The following SDK1 variants were observed in gnomAD, a reference collection of about 807,000 sequenced individuals.
The protein encoded by SDK1 is protein sidekick-1.
A neutral mutation model predicts 245.5 loss-of-function variants in SDK1; 157 were observed. The ratio of observed to expected loss-of-function variants is 0.64; its 90% CI spans 0.56 to 0.73. The LOEUF (loss-of-function observed/expected upper bound fraction) is 0.73, where lower values mean the gene tolerates loss of function less well. Ranked by LOEUF, SDK1 falls within the 30% of genes least tolerant of loss-of-function variation. SDK1 has a pLI of 0.00. For missense variants in SDK1, 3,583 were observed against 3,002.3 expected, an observed-to-expected ratio of 1.19 and a Z score of -4.52; for synonymous variants, 1,647 against 1,278.5, an observed-to-expected ratio of 1.29 and a Z score of -6.15.
chr7:3,317,274 A>C (rs927810941), intron 1 of SDK1, among the ~76,000 whole-genome samples: 3 of 151,270 alleles, frequency 2.0e-5, no homozygotes, highest in African/African-American at 7.3e-5. Context: ...ATAAAAGATT[A>C]TAGTAATTTT....
chr7:3,536,914 A>T (rs1236710668), intron 1 of SDK1, among the ~76,000 whole-genome samples: 2 of 152,232 alleles, frequency 1.3e-5, no homozygotes, highest in African/African-American at 2.4e-5. Context: ...TAGTTGAATT[A>T]TAAAACCATA....
At position 3,417,394 on chromosome 7, in the gene SDK1, A is replaced by G. The variant is rs141013910; in HGVS notation, c.298+115510A>G. Among the ~76,000 whole-genome samples, 767 of 152,234 alleles carry G rather than the reference A, an allele frequency of 5.0e-3. 9 individuals carry two copies. Among genetic ancestry groups the G allele is most frequent in the African/African-American group, 0.017 (711 of 41,534 alleles). Reference sequence around the variant, plus strand: ...ACCATCTTAGTTCTCAAGTTTGCCAAACTTTTTTTCAGCCATGTGTCCTTT... The same window carrying G: ...ACCATCTTAGTTCTCAAGTTTGCCAGACTTTTTTTCAGCCATGTGTCCTTT... On this transcript the variant is annotated intron_variant, in intron 1 of 44. Coordinates refer to ENST00000404826, the MANE Select transcript of SDK1 (RefSeq NM_152744.4).
intron 14 of SDK1, among the ~76,000 whole-genome samples, chr7:3,992,160 G>A (rs573347719): frequency 6.6e-6 from 1 of 152,292 alleles, no homozygotes; most frequent in Admixed American, 6.5e-5. Context: ...TGGTTTAGTG[G>A]CCGAGGCAGG....
At chr7:3,403,926 C>G (rs1486133361) in intron 1 of SDK1, among the ~76,000 whole-genome samples, 2 of 133,664 alleles carry the variant, frequency 1.5e-5, no homozygotes, top group South Asian at 2.4e-4. Flanking sequence ...ACAGGCATAC[C>G]TTGGAGATAT....
chr7:4,199,175 C>G lies in SDK1; in HGVS notation c.5099-6704C>G, dbSNP rs1783749970. On this transcript the variant is annotated intron_variant, in intron 35 of 44. Transcript: ENST00000404826. The stretch of plus-strand genomic sequence containing the variant: ...ACAGGTTGAATTTTGTGTGTACAAA[C>G]TGCATATAATGCAGTTAATGAGTTA... Among the ~76,000 whole-genome samples, 11 of 152,294 alleles carry G rather than the reference C, an allele frequency of 7.2e-5. No individual in the cohort carries two copies. The South Asian group carries it at 2.3e-3, about 32-fold the overall frequency.
intron 1 of SDK1, among the ~76,000 whole-genome samples, chr7:3,449,688 A>G (rs892396988): frequency 6.6e-6 from 1 of 152,226 alleles, no homozygotes; most frequent in Non-Finnish European, 1.5e-5. Flanking sequence ...TGAATATTTA[A>G]TAGTAGCATT....
intron 1 of SDK1, among the ~76,000 whole-genome samples, chr7:3,451,224 A>G (rs1780503103): frequency 6.6e-6 from 1 of 151,748 alleles, no homozygotes; most frequent in African/African-American, 2.4e-5. Flanking sequence ...AAAATATAGG[A>G]GAAAGGGGCA....
At chr7:3,957,830 C>G (rs1258328723) in intron 7 of SDK1, among the ~76,000 whole-genome samples, 1 of 152,208 alleles carries the variant, frequency 6.6e-6, no homozygotes, top group African/African-American at 2.4e-5. Context: ...CACATGAAAA[C>G]TTAAGTAGAG....
At chr7:3,804,265 G>T (rs535775768) in intron 4 of SDK1, among the ~76,000 whole-genome samples, 4 of 152,200 alleles carry the variant, frequency 2.6e-5, no homozygotes, top group East Asian at 1.9e-4. Flanking sequence ...TTTGTATTCA[G>T]TTATATGAGG....
intron 1 of SDK1, among the ~76,000 whole-genome samples, chr7:3,583,707 CT>C (rs1000363149): frequency 1.8e-4 from 28 of 152,154 alleles, no homozygotes; most frequent in African/African-American, 6.5e-4. Context: ...CAGGTGCCCC[CT>C]GAGAGGCATG....
chr7:3,970,261 A>G (rs1388477138), intron 11 of SDK1, among the ~76,000 whole-genome samples: 1 of 152,238 alleles, frequency 6.6e-6, no homozygotes, highest in Admixed American at 6.5e-5. Flanking sequence ...AGAAAAAGTA[A>G]ATCATTGTGC....
intron 4 of SDK1, among the ~76,000 whole-genome samples, chr7:3,768,507 G>A (rs1397907705): frequency 9.2e-5 from 14 of 152,206 alleles, no homozygotes; most frequent in Admixed American, 9.2e-4. Flanking sequence ...CAGCTCAGCA[G>A]CAGTTCCTGA....
chr7:3,589,873 C>T (rs1331729912), intron 1 of SDK1, among the ~76,000 whole-genome samples: 1 of 152,010 alleles, frequency 6.6e-6, no homozygotes, highest in Non-Finnish European at 1.5e-5. Flanking sequence ...TGCATAATAC[C>T]CAGACTGTGA....
At chr7:3,940,593 AGCACTTTGGGAGGCTGAG>A (rs1358199436) in intron 5 of SDK1, among the ~76,000 whole-genome samples, 7 of 152,078 alleles carry the variant, frequency 4.6e-5, no homozygotes, top group African/African-American at 1.5e-4. Context: ...CTGTAATCCC[AGCACTTTGGGAGGCTGAG>A]GCACTTTGGG....
At chr7:3,631,116 T>G (rs991894363) in intron 2 of SDK1, among the ~76,000 whole-genome samples, 1 of 152,158 alleles carries the variant, frequency 6.6e-6, no homozygotes, top group Non-Finnish European at 1.5e-5. Context: ...GTATTTTTAA[T>G]ACAGACAGGG....
At chr7:3,321,191 A>T (rs1330441849) in intron 1 of SDK1, among the ~76,000 whole-genome samples, 1 of 152,236 alleles carries the variant, frequency 6.6e-6, no homozygotes, top group Non-Finnish European at 1.5e-5. Context: ...AAAAATTCAC[A>T]AGCAAGATGA....
chr7:3,584,696 C>G (rs942153576), intron 1 of SDK1, among the ~76,000 whole-genome samples: 1 of 151,456 alleles, frequency 6.6e-6, no homozygotes, highest in Non-Finnish European at 1.5e-5. Flanking sequence ...GGTCTGTGCC[C>G]TTGCTGAAAT....
intron 4 of SDK1, among the ~76,000 whole-genome samples, chr7:3,723,683 C>CGTGTGT (rs1778896443): frequency 7.4e-6 from 1 of 134,338 alleles, no homozygotes; most frequent in African/African-American, 3.2e-5. Context: ...TGTGTGTATA[C>CGTGTGT]GTGTATATAC....
intron 4 of SDK1, among the ~76,000 whole-genome samples, chr7:3,647,828 G>T (rs1407125246): frequency 6.6e-6 from 1 of 152,136 alleles, no homozygotes; most frequent in Non-Finnish European, 1.5e-5. Flanking sequence ...CTGGATGAAT[G>T]AATGTGAAGA....
Sources: allele counts gnomAD v4.1 joint callset (sites outside exome capture counted in the v4.1 genomes callset), GRCh38; gene constraint gnomAD v4.1.1; transcripts MANE v1.5; gene names NCBI Gene and HGNC (gene_info 2026-07-23, HGNC 2026-07-21).